UGP2: variants seen among roughly 807,000 people sequenced by gnomAD.
UGP2 encodes the protein UDP-glucose pyrophosphorylase 2.
Under a neutral mutation model 49.0 loss-of-function variants are expected in UGP2, and 40 were observed. The observed-to-expected ratio is 0.82, with a 90% CI of 0.63 to 1.06. The LOEUF is 1.06. Ranked by LOEUF, UGP2 falls within the 50% of genes least tolerant of loss-of-function variation. The pLI is 0.00. For synonymous variants in UGP2, 225 were observed against 213.0 expected, an observed-to-expected ratio of 1.06 and a Z score of -0.49; for missense variants, 460 against 603.5, an observed-to-expected ratio of 0.76 and a Z score of 2.49.
At chr2:63,842,562 G>A in intron 1 of UGP2, 5 of 1,508,758 alleles carry the variant, frequency 3.3e-6, no homozygotes, top group Non-Finnish European at 4.4e-6. Context: ...CACGCAGACG[G>A]GAAGGGCTGG....
At chr2:63,875,491 C>CT (rs1398238444) in intron 3 of UGP2, among the ~76,000 whole-genome samples, 1 of 152,222 alleles carries the variant, frequency 6.6e-6, no homozygotes, top group Non-Finnish European at 1.5e-5. Flanking sequence ...TAACTGGAAA[C>CT]TAAGTTGTGA....
chr2:63,867,264 T>C (rs536345080), intron 3 of UGP2, among the ~76,000 whole-genome samples: 59 of 152,332 alleles, frequency 3.9e-4, no homozygotes, highest in Non-Finnish European at 7.6e-4. Flanking sequence ...CACTTTTTTT[T>C]CCAATTTGTT....
intron 1 of UGP2, among the ~76,000 whole-genome samples, chr2:63,852,727 A>G (rs893476243): frequency 2.0e-5 from 3 of 152,244 alleles, no homozygotes; most frequent in African/African-American, 7.2e-5. Flanking sequence ...AGTAATGGAA[A>G]TGGAAAACAG....
chr2:63,857,172 G>A (rs939476622), intron 2 of UGP2, among the ~76,000 whole-genome samples: 2 of 151,922 alleles, frequency 1.3e-5, no homozygotes, highest in Non-Finnish European at 2.9e-5. Context: ...ATGGTGGTAT[G>A]CGCCTGTGGT....
chr2:63,876,186 C>T (rs1420913883), intron 3 of UGP2, among the ~76,000 whole-genome samples: 1 of 151,982 alleles, frequency 6.6e-6, no homozygotes, highest in Admixed American at 6.6e-5. Flanking sequence ...TGGTTAGGTG[C>T]CTGGTAGAGG....
chr2:63,867,883 C>G (rs1670285294), intron 3 of UGP2, among the ~76,000 whole-genome samples: 1 of 152,096 alleles, frequency 6.6e-6, no homozygotes. Context: ...TTTGTTATTG[C>G]AAAGATACAC....
At chr2:63,883,196 C>T (rs1240870267) in intron 4 of UGP2, 3 of 152,220 alleles carry the variant, frequency 2.0e-5, no homozygotes, top group Admixed American at 6.5e-5. Context: ...AACATGTATT[C>T]AGCACTTATT....
At chr2:63,863,327 A>G (rs1332882388) in intron 3 of UGP2, among the ~76,000 whole-genome samples, 1 of 152,110 alleles carries the variant, frequency 6.6e-6, no homozygotes, top group African/African-American at 2.4e-5. Flanking sequence ...ATCTGTAACC[A>G]CAGTGTTTTA....
chr2:63,855,703 G>T (rs1222609496), intron 1 of UGP2: 2 of 429,476 alleles, frequency 4.7e-6, no homozygotes, highest in Non-Finnish European at 9.3e-6. Context: ...CACCACACCT[G>T]GCTAATTTTT....
At chr2:63,846,687 G>A (rs915505430) in intron 1 of UGP2, among the ~76,000 whole-genome samples, 30 of 152,304 alleles carry the variant, frequency 2.0e-4, no homozygotes, top group African/African-American at 6.5e-4. Flanking sequence ...AATTATAACT[G>A]GAGGGGTCTC....
At position 63,846,455 on chromosome 2, in the gene UGP2, G is replaced by T. The variant is rs554720275; in HGVS notation, c.19+4251G>T. ...GAGGCATTGTTTTTTTAAAAAAAAT[G>T]ATTCTAAATGTGCCATTATCTATCT... On this transcript the variant is annotated intron_variant, in intron 1 of 9. Coordinates refer to ENST00000337130, the MANE Select transcript of UGP2 (RefSeq NM_006759.4). Among the ~76,000 whole-genome samples the T allele has an allele frequency of 4.8e-5, 7 of 146,926 alleles. No individual in the cohort carries two copies. In the East Asian group the frequency reaches 1.4e-3, roughly 30 times the overall value.
chr2:63,880,400 C>G (rs1404515112), intron 3 of UGP2, among the ~76,000 whole-genome samples: 1 of 152,052 alleles, frequency 6.6e-6, no homozygotes, highest in African/African-American at 2.4e-5. Context: ...TCTCAAACCC[C>G]TAGGCTGCCT....
intron 1 of UGP2, among the ~76,000 whole-genome samples, chr2:63,852,945 C>T (rs943495785): frequency 6.6e-6 from 1 of 152,074 alleles, no homozygotes; most frequent in Non-Finnish European, 1.5e-5. Context: ...AGGTACCCAG[C>T]TGGGTATCCA....
In UGP2 at chr2:63,856,750, G is replaced by C. The variant is rs1170752787; in HGVS notation, c.147+317G>C. 9 of 475,410 alleles carry C rather than the reference G, an allele frequency of 1.9e-5. No individual in the cohort carries two copies. In the East Asian group the frequency reaches 5.7e-4, roughly 30 times the overall value. The allele number at this position is 475,410 out of a possible 1,614,324, so 29.4% of individuals were successfully genotyped here. A position where few individuals can be genotyped will look rare whatever the true frequency, so the allele number is the denominator to read the frequency against. On this transcript the variant is annotated intron_variant, in intron 2 of 9. Transcript: ENST00000337130. Reference sequence around the variant, plus strand: ...CATACCTGTGTTCAGTTGTAATTGAGAGAAGTTAGCTTCATATGTCCTGCA... The same window carrying C: ...CATACCTGTGTTCAGTTGTAATTGACAGAAGTTAGCTTCATATGTCCTGCA...
At chr2:63,884,143 C>T (rs1179127541) in intron 5 of UGP2, 50 bp downstream of exon 5, 4 of 1,598,544 alleles carry the variant, frequency 2.5e-6, no homozygotes, top group African/African-American at 2.7e-5. Context: ...TGGGAAAGGA[C>T]TTCTTTATCT....
rs927487282 is a variant in UGP2, at chr2:63,844,211, C to T, written c.19+2007C>T. Among the ~76,000 whole-genome samples, 15 of 152,320 alleles carry T rather than the reference C, an allele frequency of 9.8e-5. 1 individual carries two copies. In the South Asian group the frequency reaches 2.9e-3, roughly 29 times the overall value. On this transcript the variant is annotated intron_variant, in intron 1 of 9. Transcript: ENST00000337130. Reference sequence around the variant, plus strand: ...CAGTGTGAGCCCTCTATATGTTTAACTCTGCTGCTGTTGTAAATGATAAAC... The same window carrying T: ...CAGTGTGAGCCCTCTATATGTTTAATTCTGCTGCTGTTGTAAATGATAAAC...
chr2:63,843,907 CA>C (rs1427937200), intron 1 of UGP2, among the ~76,000 whole-genome samples: 1 of 151,468 alleles, frequency 6.6e-6, no homozygotes, highest in East Asian at 1.9e-4. Context: ...CTTTTTTTGT[CA>C]AGGTCTTACT....
intron 3 of UGP2, among the ~76,000 whole-genome samples, chr2:63,863,470 T>C (rs1251537068): frequency 2.0e-5 from 3 of 152,170 alleles, no homozygotes; most frequent in African/African-American, 4.8e-5. Flanking sequence ...TGGAAATTGC[T>C]ACAATTTTTA....
intron 3 of UGP2, among the ~76,000 whole-genome samples, chr2:63,873,881 A>T (rs975963903): frequency 1.3e-5 from 2 of 152,202 alleles, no homozygotes. Flanking sequence ...ATTATGTGGT[A>T]ATCAGAAACT....
Sources: gnomAD v4.1 joint callset for allele counts (sites outside exome capture counted in the v4.1 genomes callset) on GRCh38, gnomAD v4.1.1 for gene constraint, MANE v1.5 for transcripts, NCBI Gene and HGNC (gene_info 2026-07-23, HGNC 2026-07-21) for gene names.